RPH3A: variants seen among roughly 807,000 people sequenced by gnomAD.
RPH3A encodes the protein rabphilin 3A.
In RPH3A, 48 loss-of-function variants were observed where a neutral mutation model predicts 102.2. The observed-to-expected ratio is 0.47, with a 90% CI of 0.37 to 0.60. The LOEUF (loss-of-function observed/expected upper bound fraction) is 0.60, where lower values mean the gene tolerates loss of function less well. Among genes scored for constraint, RPH3A ranks in the 20% least tolerant of loss-of-function variants. The probability of loss-of-function intolerance (pLI) is 0.00; values close to 1 mark genes in which losing one functional copy is unlikely to be tolerated. For synonymous variants in RPH3A, 310 were observed against 324.3 expected, an observed-to-expected ratio of 0.96 and a Z score of 0.47; for missense variants, 781 against 910.1, an observed-to-expected ratio of 0.86 and a Z score of 1.83.
At chr12:112,728,039 A>G (rs1040052537) in intron 1 of RPH3A, among the ~76,000 whole-genome samples, 3 of 152,224 alleles carry the variant, frequency 2.0e-5, no homozygotes, top group African/African-American at 7.2e-5. Context: ...GAAAGGCACC[A>G]GTTTTCTCCT....
intron 1 of RPH3A, among the ~76,000 whole-genome samples, chr12:112,764,072 A>G (rs1030869103): frequency 6.6e-6 from 1 of 152,200 alleles, no homozygotes; most frequent in African/African-American, 2.4e-5. Context: ...AGAACCTGGG[A>G]CATTTCCAGG....
intron 1 of RPH3A, among the ~76,000 whole-genome samples, chr12:112,750,249 T>G (rs191136519): frequency 6.6e-6 from 1 of 152,354 alleles, no homozygotes; most frequent in East Asian, 1.9e-4. Context: ...TTTGGGTTCC[T>G]ACGAAATAGA....
At chr12:112,851,437 TC>T (rs1194448871) in intron 5 of RPH3A, among the ~76,000 whole-genome samples, 1 of 152,228 alleles carries the variant, frequency 6.6e-6, no homozygotes, top group Non-Finnish European at 1.5e-5. Context: ...TGAAACCCTT[TC>T]TGTGCTGGCC....
intron 1 of RPH3A, among the ~76,000 whole-genome samples, chr12:112,648,619 T>C (rs1236958601): frequency 1.6e-5 from 2 of 128,388 alleles, no homozygotes; most frequent in African/African-American, 3.0e-5. Context: ...GTGGCACATG[T>C]CTGTAGTCCC....
intron 1 of RPH3A, among the ~76,000 whole-genome samples, chr12:112,712,427 C>G (rs2136035839): frequency 6.6e-6 from 1 of 152,120 alleles, no homozygotes; most frequent in South Asian, 2.1e-4. Flanking sequence ...ATAGAAACCG[C>G]ATAAATTATC....
intron 1 of RPH3A, among the ~76,000 whole-genome samples, chr12:112,696,974 A>G (rs932130279): frequency 1.3e-5 from 2 of 151,946 alleles, no homozygotes; most frequent in Non-Finnish European, 2.9e-5. Flanking sequence ...CAATGATACT[A>G]TTTAAGATTT....
At chr12:112,801,370 C>T (rs575448421) in intron 2 of RPH3A, among the ~76,000 whole-genome samples, 111 of 152,308 alleles carry the variant, frequency 7.3e-4, no homozygotes, top group African/African-American at 2.5e-3. Context: ...TAGAACCTGC[C>T]GCTGTTTCTG....
At chr12:112,873,098 T>C (rs1295249882) in intron 10 of RPH3A, among the ~76,000 whole-genome samples, 1 of 152,216 alleles carries the variant, frequency 6.6e-6, no homozygotes, top group Admixed American at 6.5e-5. Flanking sequence ...ACTAAGATTC[T>C]TAGTTGATTA....
intron 7 of RPH3A, among the ~76,000 whole-genome samples, chr12:112,867,165 C>T (rs2042625758): frequency 6.6e-6 from 1 of 151,676 alleles, no homozygotes; most frequent in African/African-American, 2.4e-5. Flanking sequence ...TTTTTTATTT[C>T]CTCACACTCT....
chr12:112,653,968 T>C (rs2039993793), intron 1 of RPH3A, among the ~76,000 whole-genome samples: 1 of 152,164 alleles, frequency 6.6e-6, no homozygotes, highest in South Asian at 2.1e-4. Context: ...CACACAGACA[T>C]TGTTAAAGAC....
At chr12:112,679,351 C>T (rs1027919455) in intron 1 of RPH3A, among the ~76,000 whole-genome samples, 2 of 152,052 alleles carry the variant, frequency 1.3e-5, no homozygotes, top group African/African-American at 4.8e-5. Flanking sequence ...GATGGGGTTT[C>T]ACCATGTTAG....
intron 1 of RPH3A, among the ~76,000 whole-genome samples, chr12:112,645,279 G>A (rs1441673677): frequency 2.0e-5 from 3 of 152,128 alleles, no homozygotes; most frequent in Admixed American, 6.6e-5. Context: ...ACATCATTAT[G>A]TATGAGTTTT....
intron 1 of RPH3A, among the ~76,000 whole-genome samples, chr12:112,657,727 GAATA>G (rs1335920395): frequency 1.3e-5 from 2 of 152,052 alleles, no homozygotes; most frequent in African/African-American, 4.8e-5. Context: ...AAAACAAAAT[GAATA>G]AATAAATAAT....
At chr12:112,588,733 C>T (rs1009301734) in intron 1 of RPH3A, among the ~76,000 whole-genome samples, 2 of 152,170 alleles carry the variant, frequency 1.3e-5, no homozygotes, top group Admixed American at 1.3e-4. Flanking sequence ...CCAGTTAAGC[C>T]CGTTTTCTGG....
At chr12:112,685,000 A>T (rs1484686205) in intron 1 of RPH3A, among the ~76,000 whole-genome samples, 1 of 152,162 alleles carries the variant, frequency 6.6e-6, no homozygotes, top group Non-Finnish European at 1.5e-5. Flanking sequence ...GGCTGTAGTG[A>T]AGTGGCATGA....
At position 112,868,616 on chromosome 12, in the gene RPH3A, C is replaced by T. The variant is rs767040130; in HGVS notation, c.610+21C>T. 2.5e-6 allele frequency: 4 copies of T among 1,610,278 alleles called. No individual in the cohort carries two copies. The East Asian group carries it at 8.9e-5, about 36-fold the overall frequency. On this transcript the variant is annotated intron_variant, in intron 8 of 21. Coordinates refer to ENST00000389385, the MANE Select transcript of RPH3A (RefSeq NM_001143854.2). ...TCGAGGTAGGACAAAACAGGTGCTT[C>T]TTTCAGGACCAAGGACAGATCTTAG...
chr12:112,746,868 C>T (rs543982940), intron 1 of RPH3A, among the ~76,000 whole-genome samples: 1 of 152,136 alleles, frequency 6.6e-6, no homozygotes, highest in African/African-American at 2.4e-5. Flanking sequence ...CTTTCCCCAG[C>T]CTCCCGTTCT....
chr12:112,867,434 A>G (rs538074168), intron 7 of RPH3A, among the ~76,000 whole-genome samples: 68 of 152,268 alleles, frequency 4.5e-4, no homozygotes, highest in African/African-American at 1.5e-3. Flanking sequence ...CCGTGTTTCA[A>G]TAACCATGTT....
chr12:112,669,565 A>T (rs1332582073), intron 1 of RPH3A, among the ~76,000 whole-genome samples: 1 of 152,232 alleles, frequency 6.6e-6, no homozygotes, highest in Non-Finnish European at 1.5e-5. Context: ...AAAAAGTGAA[A>T]GAATTCTCTC....
Sources: gnomAD v4.1 joint callset for allele counts (sites outside exome capture counted in the v4.1 genomes callset) on GRCh38, gnomAD v4.1.1 for gene constraint, MANE v1.5 for transcripts, NCBI Gene and HGNC (gene_info 2026-07-23, HGNC 2026-07-21) for gene names.